Variants in LRP1B observed in about 807,000 individuals in gnomAD.
The protein encoded by LRP1B is LDL receptor related protein 1B.
In LRP1B, 217 loss-of-function variants were observed where a neutral mutation model predicts 556.6. The ratio of observed to expected loss-of-function variants is 0.39; its 90% CI spans 0.35 to 0.44. The LOEUF is 0.44. LRP1B is among the 20% of genes least tolerant of loss of function. LRP1B has a pLI of 1.00. For synonymous variants in LRP1B, 2,047 were observed against 1,865.8 expected (o/e 1.10, Z -2.50); for missense variants, 5,053 against 5,620.8 (o/e 0.90, Z 3.23).
chr2:142,116,965 G>C (rs1222576660), intron 1 of LRP1B, among the ~76,000 whole-genome samples: 1 of 152,012 alleles, frequency 6.6e-6, no homozygotes, highest in East Asian at 1.9e-4. Context: ...TCATATCTCT[G>C]CTGTCTTCCC....
intron 3 of LRP1B, among the ~76,000 whole-genome samples, chr2:141,315,596 A>G (rs1687000707): frequency 6.6e-6 from 1 of 151,724 alleles, no homozygotes; most frequent in Admixed American, 6.6e-5. Flanking sequence ...TTATGTATAA[A>G]TTGTTATTAT....
chr2:140,852,335 A>C (rs1398649710), intron 27 of LRP1B, among the ~76,000 whole-genome samples: 1 of 152,210 alleles, frequency 6.6e-6, no homozygotes, highest in African/African-American at 2.4e-5. Context: ...TCAAAAAGAA[A>C]CAAACAAAAA....
chr2:140,931,900 A>C (rs1695061428), intron 20 of LRP1B, among the ~76,000 whole-genome samples: 1 of 152,178 alleles, frequency 6.6e-6, no homozygotes, highest in African/African-American at 2.4e-5. Flanking sequence ...TGTTTGTATT[A>C]ACCAATCAAC....
At position 140,232,234 on chromosome 2, in the gene LRP1B, C is replaced by G. The variant is rs529452929; in HGVS notation, c.*952G>C. ...TTTGACCTAGCAAAGAGGATGCGTT[C>G]ACGTAATTGAAATTCTGTCACCAAT... On this transcript the variant is annotated 3_prime_UTR_variant, in exon 91 of 91. Coordinates refer to ENST00000389484, the MANE Select transcript of LRP1B (RefSeq NM_018557.3). The G allele has an allele frequency of 6.6e-6, 1 of 151,344 alleles. No homozygotes were observed. Among genetic ancestry groups the G allele is most frequent in the African/African-American group, 2.4e-5 (1 of 41,414 alleles). The allele number at this position is 151,344 out of a possible 1,614,324, so 9.4% of individuals were successfully genotyped here.
intron 3 of LRP1B, among the ~76,000 whole-genome samples, chr2:141,414,171 A>G (rs1180808004): frequency 6.9e-6 from 1 of 145,044 alleles, no homozygotes; most frequent in Non-Finnish European, 1.5e-5. Flanking sequence ...CGGGAGGCGG[A>G]GCTTGCAGTG....
At chr2:141,415,087 T>C (rs1399902931) in intron 3 of LRP1B, among the ~76,000 whole-genome samples, 1 of 152,228 alleles carries the variant, frequency 6.6e-6, no homozygotes, top group African/African-American at 2.4e-5. Flanking sequence ...CTATCTTGGC[T>C]CACTGCAAAC....
intron 42 of LRP1B, among the ~76,000 whole-genome samples, chr2:140,599,804 G>C (rs546972742): frequency 6.6e-6 from 1 of 152,122 alleles, no homozygotes; most frequent in South Asian, 2.1e-4. Context: ...TCACAGGTAA[G>C]AAAACAGAAC....
At chr2:141,975,955 T>A (rs1248041010) in intron 1 of LRP1B, among the ~76,000 whole-genome samples, 2 of 152,126 alleles carry the variant, frequency 1.3e-5, no homozygotes, top group Non-Finnish European at 2.9e-5. Flanking sequence ...TGTACAGGGC[T>A]TTTTTTGAAT....
intron 3 of LRP1B, among the ~76,000 whole-genome samples, chr2:141,257,222 G>T (rs1015504914): frequency 6.6e-6 from 1 of 152,070 alleles, no homozygotes; most frequent in African/African-American, 2.4e-5. Flanking sequence ...TGTAATTAGG[G>T]GTTGGAACAG....
chr2:141,604,208 A>G (rs1032944586), intron 2 of LRP1B, among the ~76,000 whole-genome samples: 11 of 152,168 alleles, frequency 7.2e-5, no homozygotes, highest in Non-Finnish European at 1.3e-4. Context: ...TAATGAAACT[A>G]TTATATAAAT....
At chr2:141,294,482 G>A (rs2105416303) in intron 3 of LRP1B, among the ~76,000 whole-genome samples, 1 of 151,994 alleles carries the variant, frequency 6.6e-6, no homozygotes, top group South Asian at 2.1e-4. Context: ...TATCACTCTG[G>A]GAGGCCATGG....
chr2:141,958,009 G>A (rs1306351635), intron 1 of LRP1B, among the ~76,000 whole-genome samples: 8 of 151,984 alleles, frequency 5.3e-5, no homozygotes, highest in African/African-American at 1.7e-4. Flanking sequence ...TGTGAGTGTT[G>A]TAATCTCAAT....
intron 62 of LRP1B, among the ~76,000 whole-genome samples, chr2:140,453,050 C>A (rs564223355): frequency 6.7e-6 from 1 of 149,316 alleles, no homozygotes; most frequent in Non-Finnish European, 1.5e-5. Flanking sequence ...AAAGCAGTTA[C>A]CCTTAACATT....
intron 41 of LRP1B, among the ~76,000 whole-genome samples, chr2:140,637,838 A>G (rs965462855): frequency 1.3e-5 from 2 of 152,194 alleles, no homozygotes; most frequent in African/African-American, 4.8e-5. Flanking sequence ...AGAAATATCA[A>G]TCAGAGATTC....
intron 41 of LRP1B, among the ~76,000 whole-genome samples, chr2:140,698,277 T>C (rs992486338): frequency 4.6e-5 from 7 of 152,086 alleles, no homozygotes; most frequent in African/African-American, 1.7e-4. Flanking sequence ...TGAGGATCTT[T>C]ATACTCTTAA....
chr2:140,831,850 G>A (rs1021196257), intron 31 of LRP1B, among the ~76,000 whole-genome samples: 3 of 152,058 alleles, frequency 2.0e-5, no homozygotes, highest in Non-Finnish European at 2.9e-5. Flanking sequence ...ATTTTAAAAT[G>A]GGCAAAAGAT....
At chr2:141,894,875 C>A (rs755606586) in intron 1 of LRP1B, among the ~76,000 whole-genome samples, 1 of 150,984 alleles carries the variant, frequency 6.6e-6, no homozygotes, top group East Asian at 1.9e-4. Flanking sequence ...TATGGAGAAA[C>A]CCTGTCTCTA....
rs1481330525 is a variant in LRP1B, at chr2:141,449,102, C to T, written c.343+31294G>A. Among the ~76,000 whole-genome samples, 16 of 152,252 alleles carry T rather than the reference C, an allele frequency of 1.1e-4. No individual in the cohort carries two copies. The East Asian group carries it at 3.1e-3, about 29-fold the overall frequency. On this transcript the variant is annotated intron_variant, in intron 3 of 90. Coordinates refer to ENST00000389484, the MANE Select transcript of LRP1B (RefSeq NM_018557.3). ...AATCTTCCTTTCCTTAACTTAACTGCCATTACCTTTTTTGTTAAATCAAGT... is the reference window on the plus strand; with the variant it reads ...AATCTTCCTTTCCTTAACTTAACTGTCATTACCTTTTTTGTTAAATCAAGT...
At chr2:141,783,191 C>T (rs762578709) in intron 2 of LRP1B, among the ~76,000 whole-genome samples, 7 of 151,978 alleles carry the variant, frequency 4.6e-5, no homozygotes, top group Non-Finnish European at 1.0e-4. Flanking sequence ...TACCGTATCC[C>T]CAGCCACCCA....
Sources: gnomAD v4.1 joint callset for allele counts (sites outside exome capture counted in the v4.1 genomes callset) on GRCh38, gnomAD v4.1.1 for gene constraint, MANE v1.5 for transcripts, NCBI Gene and HGNC (gene_info 2026-07-23, HGNC 2026-07-21) for gene names.